Variants in ERN1 observed in about 807,000 individuals in gnomAD.
ERN1 encodes endoplasmic reticulum to nucleus signaling 1.
In ERN1, 39 loss-of-function variants were observed where a neutral mutation model predicts 113.1. The observed-to-expected ratio is 0.34, with a 90% CI of 0.27 to 0.45. The LOEUF is 0.45. Among genes scored for constraint, ERN1 ranks in the 20% least tolerant of loss-of-function variants. The pLI is 1.00. For missense variants in ERN1, 976 were observed against 1,274.8 expected (o/e 0.77, Z 3.57); for synonymous variants, 507 against 515.9 (o/e 0.98, Z 0.23).
At chr17:64,127,714 A>G (rs932407329) in intron 1 of ERN1, among the ~76,000 whole-genome samples, 2 of 150,152 alleles carry the variant, frequency 1.3e-5, no homozygotes, top group Non-Finnish European at 2.9e-5. Context: ...AGACCACACC[A>G]TTGCACTCCA....
At position 64,064,139 on chromosome 17, in the gene ERN1, T is replaced by C; in HGVS notation, c.934A>G (p.Thr312Ala). 1 of 1,600,628 alleles carries C rather than the reference T, an allele frequency of 6.2e-7. No homozygotes were observed. The highest frequency in any genetic ancestry group is 8.5e-7 in the Non-Finnish European group (1 of 1,173,288). Residue 312 changes from threonine (T) to alanine (A), a missense_variant, in exon 10 of 22, where the codon ACA becomes GCA. By Grantham distance (58) the Thr-to-Ala change is moderately conservative. Coordinates refer to ENST00000433197, the MANE Select transcript of ERN1 (RefSeq NM_001433.5). ...EGVAVVPRGS[T>A]LPLLEGPQTD... ...TGGGGCCCTTCCAGCAAAGGAAGTGTGCTGCCGCGGGGCTGTGGAGAGGGT... is the reference window on the plus strand; with the variant it reads ...TGGGGCCCTTCCAGCAAAGGAAGTGCGCTGCCGCGGGGCTGTGGAGAGGGT...
chr17:64,071,825 G>C (rs1193108956), intron 6 of ERN1, among the ~76,000 whole-genome samples, 156 bp downstream of exon 6: 1 of 152,154 alleles, frequency 6.6e-6, no homozygotes, highest in Non-Finnish European at 1.5e-5. Context: ...TTGCACACTG[G>C]GGGGACACTG....
intron 1 of ERN1, among the ~76,000 whole-genome samples, chr17:64,119,376 G>GTTGTTGTTTTTTTTTTTTTTTTTTTTT (rs777806993): frequency 1.3e-5 from 1 of 77,896 alleles, no homozygotes; most frequent in African/African-American, 5.6e-5. Context: ...TTTTTTCTAG[G>GTTGTTGTTTTTTTTTTTTTTTTTTTTT]TTTTTTTTTT....
intron 1 of ERN1, among the ~76,000 whole-genome samples, chr17:64,113,361 T>G (rs1407605235): frequency 6.6e-6 from 1 of 152,238 alleles, no homozygotes; most frequent in East Asian, 1.9e-4. Flanking sequence ...CACATTACTT[T>G]TGCTATCCTA....
At chr17:64,080,132 C>T (rs1246062124) in intron 3 of ERN1, among the ~76,000 whole-genome samples, 1 of 152,194 alleles carries the variant, frequency 6.6e-6, no homozygotes, top group Non-Finnish European at 1.5e-5. Context: ...TGGCATGGTA[C>T]ATAAACAGGT....
rs948201729 is a variant in ERN1, at chr17:64,101,990, C to T, written c.55-3749G>A. On this transcript the variant is annotated intron_variant, in intron 1 of 21. Coordinates refer to ENST00000433197, the MANE Select transcript of ERN1 (RefSeq NM_001433.5). ...TTGGTTTATGGATCAAAATAAAACA[C>T]TAATCATGGCCGGGACCGGTGGCTC... 1.1e-4 allele frequency among the ~76,000 whole-genome samples: 16 copies of T among 152,112 alleles called. 1 individual carries two copies. The highest frequency in any genetic ancestry group is 2.9e-5 in the Non-Finnish European group (2 of 68,012).
Position 64,045,360 on chromosome 17 carries a change from T to C in ERN1, c.2652A>G (p.Thr884=). 1 of 1,613,850 alleles carries C rather than the reference T, an allele frequency of 6.2e-7. No homozygotes were observed. The highest frequency in any genetic ancestry group is 8.5e-7 in the Non-Finnish European group (1 of 1,179,874). The part of the protein sequence containing the change: ...WRENITVPLQ[T]DLRKFRTYKG... The stretch of plus-strand genomic sequence containing the variant: ...TCTCACACGCTGCAGCATGATCACC[T>C]GTCTGGAGGGGGACAGTGATGTTCT... The change falls in exon 20 of 22, where the codon ACA becomes ACG. Residue 884 remains threonine, a splice_region_variant and synonymous_variant. Transcript: ENST00000433197.
intron 5 of ERN1, among the ~76,000 whole-genome samples, chr17:64,072,585 A>C (rs767930585): frequency 2.0e-5 from 3 of 152,258 alleles, no homozygotes; most frequent in Non-Finnish European, 4.4e-5. Flanking sequence ...GACTATAATT[A>C]ACTAGTACCT....
At chr17:64,083,736 C>T (rs1913839401) in intron 2 of ERN1, among the ~76,000 whole-genome samples, 1 of 152,304 alleles carries the variant, frequency 6.6e-6, no homozygotes, top group Admixed American at 6.5e-5. Context: ...CTCCACTCCC[C>T]GGCCCCCATC....
At chr17:64,118,037 C>A (rs1258899589) in intron 1 of ERN1, among the ~76,000 whole-genome samples, 1 of 152,140 alleles carries the variant, frequency 6.6e-6, no homozygotes, top group African/African-American at 2.4e-5. Flanking sequence ...AGCTAGGAAG[C>A]TGGGAGGCTC....
Position 64,063,881 on chromosome 17 carries a change from A to T in ERN1, c.1087+105T>A. 2.8e-6 allele frequency: 3 copies of T among 1,081,172 alleles called. No homozygotes were observed. The South Asian group carries it at 4.5e-5, about 16-fold the overall frequency. The allele number at this position is 1,081,172 out of a possible 1,614,324, so 67.0% of individuals were successfully genotyped here. Reference sequence around the variant, plus strand: ...GGGCCAGCCGGGAAGGGCTCTGAGCACAAGGCCTTCCGAGCTCAGTACGGT... The same window carrying T: ...GGGCCAGCCGGGAAGGGCTCTGAGCTCAAGGCCTTCCGAGCTCAGTACGGT... On this transcript the variant is annotated intron_variant, in intron 10 of 21. Coordinates refer to ENST00000433197, the MANE Select transcript of ERN1 (RefSeq NM_001433.5). This position sits in a 1 kb window ranked among gnomAD's most constrained non-coding sequence, Gnocchi z 5.1.
At chr17:64,067,348 G>A (rs909825266) in intron 7 of ERN1, among the ~76,000 whole-genome samples, 8 of 150,774 alleles carry the variant, frequency 5.3e-5, no homozygotes, top group African/African-American at 1.7e-4. Context: ...CCAAGAATTT[G>A]GGAGGCTGAG....
chr17:64,088,235 G>A (rs1303625445), intron 2 of ERN1, among the ~76,000 whole-genome samples: 1 of 152,100 alleles, frequency 6.6e-6, no homozygotes, highest in African/African-American at 2.4e-5. Flanking sequence ...GACTCTAGAT[G>A]ACCTCTGGCT....
At position 64,066,828 on chromosome 17, in the gene ERN1, AGGCCAC is replaced by A. The variant is rs1332498704; in HGVS notation, c.679_684del (p.Val227_Ala228del). 1.2e-6 allele frequency: 2 copies of A among 1,613,934 alleles called. No homozygotes were observed. Among genetic ancestry groups the A allele is most frequent in the Non-Finnish European group, 1.7e-6 (2 of 1,179,858 alleles). On this transcript the variant is annotated inframe_deletion, in exon 8 of 22. Coordinates refer to ENST00000433197, the MANE Select transcript of ERN1 (RefSeq NM_001433.5). ...AGACCCTCCCGCTGCCAGACATAAA[AGGCCAC>A]CACAGGGGAGGCGTAGTTTTGGATC...
chr17:64,108,404 C>T (rs1874087), intron 1 of ERN1, among the ~76,000 whole-genome samples: 82,128 of 151,950 alleles, frequency 0.54, 25,851 homozygotes, highest in African/African-American at 0.88. Context: ...GAAGAAGAAA[C>T]ATATCTGGAC....
At position 64,068,215 on chromosome 17, in the gene ERN1, T is replaced by C. The variant is rs771140863; in HGVS notation, c.555A>G (p.Ser185=). 6.2e-7 allele frequency: 1 copy of C among 1,611,526 alleles called. No homozygotes were observed. Among genetic ancestry groups the C allele is most frequent in the South Asian group, 1.1e-5 (1 of 90,424 alleles). Residue 185 remains serine (S), a synonymous_variant, in exon 7 of 22, where the codon TCA becomes TCG. Transcript: ENST00000433197. Reference sequence around the variant, plus strand: ...TGTAGTCCACGTCGTCCTCAGGCAGTGAGGCCGCATAGTCAAAGTAGGTGG... The same window carrying C: ...TGTAGTCCACGTCGTCCTCAGGCAGCGAGGCCGCATAGTCAAAGTAGGTGG... ...WNATYFDYAA[S]LPEDDVDYKM...
At chr17:64,098,762 T>A (rs1172377635) in intron 1 of ERN1, among the ~76,000 whole-genome samples, 1 of 152,142 alleles carries the variant, frequency 6.6e-6, no homozygotes, top group Non-Finnish European at 1.5e-5. Context: ...AAAGATATGT[T>A]ATAAAAGTAA....
chr17:64,091,765 G>A (rs1363977933), intron 2 of ERN1, among the ~76,000 whole-genome samples: 1 of 152,170 alleles, frequency 6.6e-6, no homozygotes, highest in African/African-American at 2.4e-5. Flanking sequence ...AGGGAGTTGG[G>A]GCGGGGGGGC....
chr17:64,108,021 G>C (rs1914575253), intron 1 of ERN1, among the ~76,000 whole-genome samples: 1 of 152,176 alleles, frequency 6.6e-6, no homozygotes, highest in Admixed American at 6.5e-5. Context: ...CAAGTGTCTA[G>C]CTGGGATGCA....
Sources: allele counts gnomAD v4.1 joint callset (sites outside exome capture counted in the v4.1 genomes callset), GRCh38; gene constraint gnomAD v4.1.1; non-coding constraint Gnocchi (gnomAD v3.1); transcripts MANE v1.5; gene names NCBI Gene and HGNC (gene_info 2026-07-23, HGNC 2026-07-21).